Variants in ZNF469 observed in about 807,000 individuals in gnomAD.
The protein encoded by ZNF469 is zinc finger protein 469.
In ZNF469, 1 loss-of-function variant was observed where a neutral mutation model predicts 1.0. The ratio of observed to expected loss-of-function variants is 1.00; its 90% confidence interval spans 0.35 to 4.73. ZNF469 has a LOEUF of 4.73. ZNF469 is among the 30% of genes most tolerant of loss of function. The pLI, the probability that ZNF469 is intolerant of heterozygous loss-of-function variation, is 0.16. For synonymous variants in ZNF469, 2,703 were observed against 2,363.4 expected, an observed-to-expected ratio of 1.14 and a Z score of -4.17; for missense variants, 6,100 against 5,356.3, an observed-to-expected ratio of 1.14 and a Z score of -4.33.
intron 1 of ZNF469, among the ~76,000 whole-genome samples, chr16:88,398,401 A>AGCCACAGATGAAGGGACATGTGG (rs1904754298): frequency 8.1e-6 from 1 of 123,364 alleles, no homozygotes; most frequent in Non-Finnish European, 1.8e-5. Context: ...GGGACATGTG[A>AGCCACAGATGAAGGGACATGTGG]GCCACAGATG....
chr16:88,432,389 C>T lies in ZNF469; in HGVS notation c.4919C>T (p.Ala1640Val), dbSNP rs867915419. 192 of 1,549,180 alleles carry T rather than the reference C, an allele frequency of 1.2e-4. No homozygotes were observed. Among genetic ancestry groups the T allele is most frequent in the Non-Finnish European group, 1.6e-4 (184 of 1,146,746 alleles). Residue 1640 changes from alanine to valine, a missense_variant, in exon 3 of 3, where the codon GCG (alanine) becomes GTG (valine). Transcript: ENST00000565624. ...GAATCCACTGCACATCGGGAGGGTG[C>T]GGAATCGGCTGTGGCCACCGTGGAA... is the stretch of plus-strand genomic sequence containing the variant. ...VGESTAHREGAESAVATVEAV... is the reference protein window; with the variant it reads ...VGESTAHREGVESAVATVEAV...
the ZNF469 span, among the ~76,000 whole-genome samples, chr16:88,317,854 C>G: frequency 6.6e-6 from 1 of 152,254 alleles, no homozygotes; most frequent in African/African-American, 2.4e-5. Context: ...CTCCTGCTCT[C>G]TGCGCCGCTG....
At chr16:88,283,239 G>A in the ZNF469 span, among the ~76,000 whole-genome samples, 2 of 151,980 alleles carry the variant, frequency 1.3e-5, no homozygotes, top group African/African-American at 4.8e-5. Flanking sequence ...GTCACCCGAG[G>A]GAACGCCTCT....
At chr16:88,159,770 A>T in the ZNF469 span, among the ~76,000 whole-genome samples, 4 of 152,120 alleles carry the variant, frequency 2.6e-5, no homozygotes, top group East Asian at 3.9e-4. Context: ...TGTCGTCTTC[A>T]CAGACACATG....
chr16:88,171,769 T>C, the ZNF469 span, among the ~76,000 whole-genome samples: 1 of 152,158 alleles, frequency 6.6e-6, no homozygotes, highest in Non-Finnish European at 1.5e-5. Flanking sequence ...TGTGATGGAA[T>C]GACAGTGACA....
At chr16:88,186,685 C>T in the ZNF469 span, among the ~76,000 whole-genome samples, 2 of 152,252 alleles carry the variant, frequency 1.3e-5, no homozygotes, top group South Asian at 2.1e-4. Flanking sequence ...AAGTCGCACA[C>T]GGGGCTTCTG....
Position 88,433,518 on chromosome 16 carries a change from C to T in ZNF469, c.6048C>T (p.Ala2016=), listed in dbSNP as rs1246885267. Residue 2016 remains alanine (A), a synonymous_variant, in exon 3 of 3, where the codon GCC becomes GCT. Coordinates refer to ENST00000565624, the MANE Select transcript of ZNF469 (RefSeq NM_001367624.2). Reference sequence around the variant, plus strand: ...GCCCAGGGGGCACGGACAACCACGCCTCAGTCAATGCCAGTCCCAAAACAG... The same window carrying T: ...GCCCAGGGGGCACGGACAACCACGCTTCAGTCAATGCCAGTCCCAAAACAG... ...GVSPGGTDNH[A]SVNASPKTAL... 1.3e-6 allele frequency: 2 copies of T among 1,550,242 alleles called. No individual in the cohort carries two copies. The highest frequency in any genetic ancestry group is 1.7e-6 in the Non-Finnish European group (2 of 1,146,920).
rs374110064 is a variant in ZNF469 at position 88,435,676 on chromosome 16, G to A, written c.8206G>A (p.Asp2736Asn). The change falls in exon 3 of 3, where the codon GAT (aspartate) becomes AAT (asparagine). Residue 2736 changes from aspartate (D) to asparagine (N), a missense_variant. Transcript: ENST00000565624. ...TCGGATGCTGTGTCCAGGGAGGATGGATGGTGCAGCTCTGGGGGAACAGCC... is the reference window on the plus strand; with the variant it reads ...TCGGATGCTGTGTCCAGGGAGGATGAATGGTGCAGCTCTGGGGGAACAGCC... ...GDRMLCPGRM[D>N]GAALGEQPTG... The A allele has an allele frequency of 3.2e-5, 49 of 1,550,604 alleles. No homozygotes were observed. The highest frequency in any genetic ancestry group is 1.7e-4 in the Middle Eastern group (1 of 5,992).
chr16:88,142,115 A>G, the ZNF469 span, among the ~76,000 whole-genome samples: 2 of 152,234 alleles, frequency 1.3e-5, no homozygotes, highest in African/African-American at 4.8e-5. Context: ...CCAGGGGAAC[A>G]ACACAGCGAT....
At chr16:88,205,956 AG>A in the ZNF469 span, among the ~76,000 whole-genome samples, 4 of 151,618 alleles carry the variant, frequency 2.6e-5, no homozygotes, top group Non-Finnish European at 2.9e-5. The surrounding 1 kb of genome is among the most constrained non-coding windows in gnomAD (Gnocchi z 4.2). Flanking sequence ...TTTCAGAGGA[AG>A]GGGGGGGCCC....
chr16:88,282,813 C>T, the ZNF469 span, among the ~76,000 whole-genome samples: 1 of 152,166 alleles, frequency 6.6e-6, no homozygotes, highest in South Asian at 2.1e-4. Context: ...CTACTCACTG[C>T]GGCTATAAAA....
At chr16:88,145,424 G>T in the ZNF469 span, among the ~76,000 whole-genome samples, 1 of 152,280 alleles carries the variant, frequency 6.6e-6, no homozygotes, top group East Asian at 1.9e-4. Flanking sequence ...TCAAACTCAC[G>T]CATTGGAATC....
At chr16:88,165,685 ACTTT>A in the ZNF469 span, among the ~76,000 whole-genome samples, 5 of 152,272 alleles carry the variant, frequency 3.3e-5, no homozygotes, top group Non-Finnish European at 5.9e-5. Context: ...GGGACTCAGT[ACTTT>A]CTTTATGCTG....
At chr16:88,267,964 G>A in the ZNF469 span, among the ~76,000 whole-genome samples, 56 of 151,952 alleles carry the variant, frequency 3.7e-4, no homozygotes, top group South Asian at 4.8e-3. Flanking sequence ...GGCAGCAAGG[G>A]AACCGATTTC....
chr16:88,213,740 T>C, the ZNF469 span, among the ~76,000 whole-genome samples: 2 of 152,186 alleles, frequency 1.3e-5, no homozygotes, highest in African/African-American at 2.4e-5. Context: ...AGGGCTCTTT[T>C]CCCAGTATTT....
intron 1 of ZNF469, among the ~76,000 whole-genome samples, chr16:88,403,983 G>A (rs557324670): frequency 6.6e-6 from 1 of 152,300 alleles, no homozygotes; most frequent in South Asian, 2.1e-4. Flanking sequence ...AGGCCTCTCC[G>A]CCCTCACACT....
intron 1 of ZNF469, among the ~76,000 whole-genome samples, chr16:88,392,540 C>T (rs1904521884): frequency 6.6e-6 from 1 of 152,232 alleles, no homozygotes; most frequent in South Asian, 2.1e-4. Context: ...GCTGGTTAAG[C>T]CACACATTCC....
chr16:88,189,774 C>T, the ZNF469 span, among the ~76,000 whole-genome samples: 1 of 152,134 alleles, frequency 6.6e-6, no homozygotes, highest in Non-Finnish European at 1.5e-5. This position sits in a 1 kb window ranked among gnomAD's most constrained non-coding sequence, Gnocchi z 4.3. Context: ...AAAAAATTAG[C>T]TGGGCATGGT....
At chr16:88,390,212 T>G (rs1490405553) in intron 1 of ZNF469, among the ~76,000 whole-genome samples, 1 of 152,118 alleles carries the variant, frequency 6.6e-6, no homozygotes, top group Non-Finnish European at 1.5e-5. Flanking sequence ...GGGGTTCAGC[T>G]CAGGCCTGTC....
Sources: gnomAD v4.1 joint callset for allele counts (sites outside exome capture counted in the v4.1 genomes callset) on GRCh38, gnomAD v4.1.1 for gene constraint, Gnocchi (gnomAD v3.1) non-coding constraint, MANE v1.5 for transcripts, NCBI Gene and HGNC (gene_info 2026-07-23, HGNC 2026-07-21) for gene names.